MED17: variants seen among roughly 807,000 people sequenced by gnomAD.
MED17 encodes the protein mediator of RNA polymerase II transcription subunit 17.
MED17 carries 49 observed loss-of-function variants against 80.8 expected under a neutral mutation model. The ratio of observed to expected loss-of-function variants is 0.61; its 90% CI spans 0.48 to 0.77. MED17 has a LOEUF of 0.77. Among genes scored for constraint, MED17 ranks in the 30% least tolerant of loss-of-function variants. MED17 has a pLI of 0.00. For synonymous variants in MED17, 281 were observed against 280.4 expected, an observed-to-expected ratio of 1.00 and a Z score of -0.02; for missense variants, 718 against 787.0, an observed-to-expected ratio of 0.91 and a Z score of 1.05.
In MED17 at chr11:93,812,303, T is replaced by A; in HGVS notation, c.*239T>A. ...ATGACAAGATGTAAAATAATATGTT[T>A]TTCATGCAGTTTAAAATATTACTAA... On this transcript the variant is annotated 3_prime_UTR_variant, in exon 12 of 12. Transcript: ENST00000251871. 3.5e-6 allele frequency: 2 copies of A among 572,592 alleles called. No individual in the cohort carries two copies. The highest frequency in any genetic ancestry group is 6.4e-5 in the Admixed American group (2 of 31,364). The allele number at this position is 572,592 out of a possible 1,614,324, so 35.5% of individuals were successfully genotyped here. A position where few individuals can be genotyped will look rare whatever the true frequency, so the allele number is the denominator to read the frequency against.
Position 93,794,053 on chromosome 11 carries a change from T to C in MED17, c.859+18T>C, listed in dbSNP as rs657177. 0.99 allele frequency: 1,578,544 copies of C among 1,595,244 alleles called. 782,473 individuals are homozygous for C. The highest frequency in any genetic ancestry group is 1 in the East Asian group (44,741 of 44,742). On this transcript the variant is annotated intron_variant, in intron 5 of 11. Coordinates refer to ENST00000251871, the MANE Select transcript of MED17 (RefSeq NM_004268.5). ...CAAACCAGGTATGGTTATGTTCTAT[T>C]CTCTAATTTCTGGTCTTATTTGAGC...
At chr11:93,797,327 A>G (rs1943915032) in intron 7 of MED17, 3 of 561,564 alleles carry the variant, frequency 5.3e-6, no homozygotes, top group Non-Finnish European at 9.5e-6. Context: ...GAAAAGGAAA[A>G]AAGTTACAGC....
chr11:93,794,004 C>G lies in MED17; in HGVS notation c.828C>G (p.Leu276=). The change falls in exon 5 of 12, where the codon CTC becomes CTG. Residue 276 remains leucine (L), a synonymous_variant. Transcript: ENST00000251871. ...PDIGDLGTVN[L]FKRPLPKSKP... ...TAGGTGACCTCGGCACAGTTAACCT[C>G]TTCAAACGACCTTTGCCCAAATCCA... is the stretch of plus-strand genomic sequence containing the variant. 1 of 1,614,018 alleles carries G rather than the reference C, an allele frequency of 6.2e-7. No homozygotes were observed. Among genetic ancestry groups the G allele is most frequent in the South Asian group, 1.1e-5 (1 of 91,080 alleles).
intron 4 of MED17, 37 bp from the exon 5 acceptor site, chr11:93,793,914 T>TAA (rs752079670): frequency 1.2e-6 from 2 of 1,613,140 alleles, no homozygotes; most frequent in South Asian, 2.2e-5. Context: ...AGCCTGAAGT[T>TAA]AATTTGTTAA....
chr11:93,788,820 C>T (rs1029843402), intron 2 of MED17: 1 of 152,064 alleles, frequency 6.6e-6, no homozygotes, highest in African/African-American at 2.4e-5. Flanking sequence ...GACCTGGATT[C>T]GAATCCTGCC....
At chr11:93,804,034 CACAT>C (rs1407153197) in intron 9 of MED17, among the ~76,000 whole-genome samples, 2 of 82,156 alleles carry the variant, frequency 2.4e-5, no homozygotes, top group East Asian at 1.3e-3. Flanking sequence ...TATACACACA[CACAT>C]ATACACACGC....
Position 93,812,454 on chromosome 11 carries a change from T to TG in MED17, c.*390_*391insG, listed in dbSNP as rs1944093846. Reference sequence around the variant, plus strand: ...CCAAATACTTTCTAAACTTTTTTTTTTTGAGATGGTATCTCACTCTGTAGC... The same window carrying TG: ...CCAAATACTTTCTAAACTTTTTTTTTGTTGAGATGGTATCTCACTCTGTAGC... On this transcript the variant is annotated 3_prime_UTR_variant, in exon 12 of 12. Coordinates refer to ENST00000251871, the MANE Select transcript of MED17 (RefSeq NM_004268.5). 5.1e-6 allele frequency: 2 copies of TG among 395,338 alleles called. No individual in the cohort carries two copies. Among genetic ancestry groups the TG allele is most frequent in the Non-Finnish European group, 8.9e-6 (2 of 223,664 alleles). 24.5% of individuals were successfully genotyped at this position (395,338 alleles called of 1,614,324 possible). A position where few individuals can be genotyped will look rare whatever the true frequency, so the allele number is the denominator to read the frequency against.
rs995798201 is a variant in MED17, at chr11:93,801,980, G to T, written c.1466+8G>T. 9.3e-6 allele frequency: 15 copies of T among 1,609,544 alleles called. No homozygotes were observed. Among genetic ancestry groups the T allele is most frequent in the Non-Finnish European group, 1.3e-5 (15 of 1,178,030 alleles). On this transcript the variant is annotated splice_region_variant and intron_variant, in intron 9 of 11. Coordinates refer to ENST00000251871, the MANE Select transcript of MED17 (RefSeq NM_004268.5). ...CTATGAACAAATATGCAAGTAAGTG[G>T]CCAAAATAAAAGTTTTGTATTTAAT...
chr11:93,789,612 G>A lies in MED17; in HGVS notation c.418-962G>A, dbSNP rs1039867685. Reference sequence around the variant, plus strand: ...ATTGTGGATATTTATATATGCATATGTGATACATAGATAGTGACTTCTGAT... The same window carrying A: ...ATTGTGGATATTTATATATGCATATATGATACATAGATAGTGACTTCTGAT... On this transcript the variant is annotated intron_variant, in intron 2 of 11. Transcript: ENST00000251871. 10 of 152,150 alleles carry A rather than the reference G, an allele frequency of 6.6e-5. 1 individual carries two copies. Among genetic ancestry groups the A allele is most frequent in the Admixed American group, 6.6e-4 (10 of 15,264 alleles). 9.4% of individuals were successfully genotyped at this position (152,150 alleles called of 1,614,324 possible).
intron 3 of MED17, chr11:93,793,144 G>GTTTTTTT (rs1943858780): frequency 1.0e-4 from 3 of 29,278 alleles, no homozygotes; most frequent in Admixed American, 8.0e-4. Context: ...TTGAGACAGA[G>GTTTTTTT]TTTCGCTCTT....
intron 8 of MED17, among the ~76,000 whole-genome samples, chr11:93,800,506 G>A (rs1284127232): frequency 1.3e-5 from 2 of 151,870 alleles, no homozygotes; most frequent in Admixed American, 6.6e-5. Flanking sequence ...GCACACGCCT[G>A]TAGTCCCAGC....
intron 7 of MED17, 138 bp downstream of exon 7, chr11:93,796,678 C>CACACAGCAAGGATCTT: frequency 9.6e-7 from 1 of 1,036,960 alleles, no homozygotes; most frequent in Non-Finnish European, 1.5e-6. Flanking sequence ...AAGATCCTTG[C>CACACAGCAAGGATCTT]TGTGTGCTAG....
At chr11:93,795,486 G>C (rs1488247892) in intron 6 of MED17, 1 of 167,598 alleles carries the variant, frequency 6.0e-6, no homozygotes, top group Non-Finnish European at 1.3e-5. Flanking sequence ...ATATCACCTG[G>C]GGTCAGGAGT....
Position 93,812,445 on chromosome 11 carries a change from C to CTTTTTTTTTTTTTTTT in MED17, c.*392_*393insTTTTTTTTTTTTTTTT, listed in dbSNP as rs553014429. 3.0e-6 allele frequency: 1 copy of CTTTTTTTTTTTTTTTT among 332,670 alleles called. No individual in the cohort carries two copies. Among genetic ancestry groups the CTTTTTTTTTTTTTTTT allele is most frequent in the African/African-American group, 2.2e-5 (1 of 44,584 alleles). 20.6% of individuals were successfully genotyped at this position (332,670 alleles called of 1,614,324 possible). On this transcript the variant is annotated 3_prime_UTR_variant, in exon 12 of 12. Coordinates refer to ENST00000251871, the MANE Select transcript of MED17 (RefSeq NM_004268.5). ...TTTTTCCCCCCAAATACTTTCTAAA[C>CTTTTTTTTTTTTTTTT]TTTTTTTTTTTGAGATGGTATCTCA... is the stretch of plus-strand genomic sequence containing the variant.
intron 3 of MED17, 111 bp downstream of exon 3, chr11:93,790,904 C>A: frequency 2.1e-6 from 2 of 946,264 alleles, no homozygotes; most frequent in Non-Finnish European, 1.6e-6. Flanking sequence ...GCCAGGAGTT[C>A]AAGATGAGCC....
chr11:93,785,674 A>T (rs537968630), intron 1 of MED17, among the ~76,000 whole-genome samples: 1 of 152,224 alleles, frequency 6.6e-6, no homozygotes. Flanking sequence ...ATGAAAGAAT[A>T]GTTGTATTAT....
Position 93,784,403 on chromosome 11 carries a change from C to T in MED17, c.-111C>T. The T allele has an allele frequency of 1.4e-6, 2 of 1,380,678 alleles. No individual in the cohort carries two copies. Among genetic ancestry groups the T allele is most frequent in the Non-Finnish European group, 1.9e-6 (2 of 1,037,368 alleles). 85.5% of individuals were successfully genotyped at this position (1,380,678 alleles called of 1,614,324 possible). A position where few individuals can be genotyped will look rare whatever the true frequency, so the allele number is the denominator to read the frequency against. ...TCGGTTTCCCGAGGGTCTTCTGAGG[C>T]ACCGCGGCTGCGGGCTTCTGAGTTC... On this transcript the variant is annotated 5_prime_UTR_variant, in exon 1 of 12. Transcript: ENST00000251871.
Position 93,794,981 on chromosome 11 carries a change from C to T in MED17, c.933C>T (p.Leu311=). 6.2e-7 allele frequency: 1 copy of T among 1,614,086 alleles called. No homozygotes were observed. The highest frequency in any genetic ancestry group is 8.5e-7 in the Non-Finnish European group (1 of 1,179,972). ...VLLCKEIFAQ[L]SREAVQIKSQ... ...TATGTAAAGAAATTTTTGCACAGCT[C>T]TCTCGGGAAGCTGTTCAAATTAAAT... is the stretch of plus-strand genomic sequence containing the variant. Residue 311 remains leucine (L), a synonymous_variant, in exon 6 of 12, where the codon CTC becomes CTT. Transcript: ENST00000251871.
rs1943886630 is a variant in MED17, at chr11:93,795,115, A to G, written c.1012+55A>G. On this transcript the variant is annotated intron_variant, in intron 6 of 11. Coordinates refer to ENST00000251871, the MANE Select transcript of MED17 (RefSeq NM_004268.5). ...ACAGGACTTTGTGTTTTGGGGGACTAGGACAGAGAAGGTAGCTCTTAGGGT... is the reference window on the plus strand; with the variant it reads ...ACAGGACTTTGTGTTTTGGGGGACTGGGACAGAGAAGGTAGCTCTTAGGGT... 5 of 1,575,440 alleles carry G rather than the reference A, an allele frequency of 3.2e-6. No homozygotes were observed. The East Asian group carries it at 9.0e-5, about 28-fold the overall frequency.
Sources: allele counts gnomAD v4.1 joint callset (sites outside exome capture counted in the v4.1 genomes callset), GRCh38; gene constraint gnomAD v4.1.1; transcripts MANE v1.5; gene names NCBI Gene and HGNC (gene_info 2026-07-23, HGNC 2026-07-21).